ADGRL3: variants seen among roughly 807,000 people sequenced by gnomAD.
ADGRL3 encodes the protein adhesion G protein-coupled receptor L3, also known as calcium-independent alpha-latrotoxin receptor 3.
In ADGRL3, 62 loss-of-function variants were observed where a neutral mutation model predicts 153.5. That is an observed-to-expected ratio of 0.40 (90% CI 0.33 to 0.50). ADGRL3 has a LOEUF of 0.50. Ranked by LOEUF, ADGRL3 falls within the 20% of genes least tolerant of loss-of-function variation. The probability of loss-of-function intolerance (pLI) is 0.47; values close to 1 mark genes in which losing one functional copy is unlikely to be tolerated. For synonymous variants in ADGRL3, 710 were observed against 672.5 expected (o/e 1.06, Z -0.86); for missense variants, 1,641 against 1,859.4 (o/e 0.88, Z 2.16).
chr4:61,787,918 G>GA (rs2097296548), intron 8 of ADGRL3, among the ~76,000 whole-genome samples: 1 of 112,456 alleles, frequency 8.9e-6, no homozygotes, highest in African/African-American at 4.9e-5. Context: ...AAATAACTTA[G>GA]AAAAAATGAT....
In ADGRL3 at chr4:62,075,749, G is replaced by A. The variant is rs1004940717; in HGVS notation, c.*4841G>A. ...ATAGCTTATGGAAGCATTTTTGTGCGAATGGATTTTACATAAGAAGCTTTT... is the reference window on the plus strand; with the variant it reads ...ATAGCTTATGGAAGCATTTTTGTGCAAATGGATTTTACATAAGAAGCTTTT... On this transcript the variant is annotated 3_prime_UTR_variant, in exon 27 of 27. Transcript: ENST00000683033. The A allele has an allele frequency of 1.3e-5, 2 of 151,538 alleles. No homozygotes were observed. The highest frequency in any genetic ancestry group is 2.1e-4 in the South Asian group (1 of 4,732). 9.4% of individuals were successfully genotyped at this position (151,538 alleles called of 1,614,324 possible).
At chr4:61,415,871 C>T (rs2097139086) in intron 2 of ADGRL3, among the ~76,000 whole-genome samples, 1 of 151,998 alleles carries the variant, frequency 6.6e-6, no homozygotes, top group Non-Finnish European at 1.5e-5. Context: ...AGTAGGGAGC[C>T]TAGATGATGG....
At chr4:61,459,740 G>A (rs1350897775) in intron 2 of ADGRL3, among the ~76,000 whole-genome samples, 1 of 151,966 alleles carries the variant, frequency 6.6e-6, no homozygotes, top group African/African-American at 2.4e-5. Flanking sequence ...ATAAAGTCAT[G>A]GTAATTGGAA....
intron 5 of ADGRL3, among the ~76,000 whole-genome samples, chr4:61,653,629 G>A (rs1339365758): frequency 1.3e-5 from 2 of 152,136 alleles, no homozygotes; most frequent in Non-Finnish European, 2.9e-5. Context: ...TTTGTCCTTT[G>A]TATTGGGCTT....
chr4:61,206,685 A>G (rs1268454969), intron 1 of ADGRL3, among the ~76,000 whole-genome samples: 3 of 152,146 alleles, frequency 2.0e-5, no homozygotes, highest in Non-Finnish European at 4.4e-5. Flanking sequence ...TATCATAATC[A>G]AAAGTCATTT....
At chr4:61,230,192 C>T (rs2149167316) in intron 1 of ADGRL3, among the ~76,000 whole-genome samples, 1 of 152,252 alleles carries the variant, frequency 6.6e-6, no homozygotes, top group East Asian at 1.9e-4. Flanking sequence ...GCGATCACGG[C>T]TGTCTGCTAG....
intron 5 of ADGRL3, among the ~76,000 whole-genome samples, chr4:61,640,487 C>T (rs1399879072): frequency 6.6e-6 from 1 of 152,050 alleles, no homozygotes; most frequent in Non-Finnish European, 1.5e-5. Flanking sequence ...CTCCATTTTC[C>T]CACTATATGA....
At chr4:61,275,654 G>T (rs569872495) in intron 1 of ADGRL3, among the ~76,000 whole-genome samples, 2 of 152,090 alleles carry the variant, frequency 1.3e-5, no homozygotes, top group Non-Finnish European at 2.9e-5. Context: ...TTTCAGTTTG[G>T]CATAGATGTT....
intron 25 of ADGRL3, among the ~76,000 whole-genome samples, chr4:62,064,051 A>AT (rs1374907396): frequency 5.4e-4 from 82 of 152,236 alleles, no homozygotes; most frequent in African/African-American, 1.9e-3. Flanking sequence ...TTACTTTGTT[A>AT]TACCATAAAG....
At chr4:62,025,959 C>G (rs1718316960) in intron 21 of ADGRL3, among the ~76,000 whole-genome samples, 1 of 152,024 alleles carries the variant, frequency 6.6e-6, no homozygotes, top group African/African-American at 2.4e-5. Flanking sequence ...GGCAACATTA[C>G]CATCAATTTA....
chr4:61,250,395 C>A (rs1402609786), intron 1 of ADGRL3, among the ~76,000 whole-genome samples: 3 of 152,126 alleles, frequency 2.0e-5, no homozygotes, highest in African/African-American at 7.2e-5. Flanking sequence ...TAACATGATT[C>A]TAGGAATTCC....
intron 3 of ADGRL3, among the ~76,000 whole-genome samples, chr4:61,500,788 T>C (rs2098379349): frequency 6.6e-6 from 1 of 152,198 alleles, no homozygotes; most frequent in Admixed American, 6.6e-5. Flanking sequence ...TGGGTTTATT[T>C]TTCATTATTT....
chr4:61,796,645 A>T (rs1204053971), intron 8 of ADGRL3, among the ~76,000 whole-genome samples: 2 of 152,152 alleles, frequency 1.3e-5, no homozygotes, highest in Non-Finnish European at 2.9e-5. Flanking sequence ...ATGACTTTGA[A>T]AATGGCTTTA....
Position 61,892,962 on chromosome 4 carries a change from A to C in ADGRL3, c.1783+4A>C. The C allele has an allele frequency of 6.6e-7, 1 of 1,506,424 alleles. No homozygotes were observed. Among genetic ancestry groups the C allele is most frequent in the Non-Finnish European group, 8.8e-7 (1 of 1,130,202 alleles). The allele number at this position is 1,506,424 out of a possible 1,614,324, so 93.3% of individuals were successfully genotyped here. A position where few individuals can be genotyped will look rare whatever the true frequency, so the allele number is the denominator to read the frequency against. Reference sequence around the variant, plus strand: ...CCATGCCCTGCAGGAACTATAGGTAAGTCTGTGCTAAAGCACTAAGTTAAA... The same window carrying C: ...CCATGCCCTGCAGGAACTATAGGTACGTCTGTGCTAAAGCACTAAGTTAAA... On this transcript the variant is annotated splice_donor_region_variant and intron_variant, in intron 10 of 26. Coordinates refer to ENST00000683033, the MANE Select transcript of ADGRL3 (RefSeq NM_001387552.1).
chr4:61,292,461 G>A (rs1380603899), intron 1 of ADGRL3, among the ~76,000 whole-genome samples: 2 of 152,162 alleles, frequency 1.3e-5, no homozygotes, highest in Admixed American at 6.6e-5. Flanking sequence ...TGTTCAGCTA[G>A]GTAGCTAGCT....
In ADGRL3 at chr4:61,548,504, T is replaced by C. The variant is rs973595036; in HGVS notation, c.259+30986T>C. On this transcript the variant is annotated intron_variant, in intron 4 of 26. Transcript: ENST00000683033. ...ATGTCAGTCTTCTGAATATGGCTACTTAGTTATCCCAGCACCATTTATTGA... is the reference window on the plus strand; with the variant it reads ...ATGTCAGTCTTCTGAATATGGCTACCTAGTTATCCCAGCACCATTTATTGA... Among the ~76,000 whole-genome samples the C allele has an allele frequency of 3.3e-5, 5 of 152,014 alleles. No individual in the cohort carries two copies. The East Asian group carries it at 9.7e-4, about 29-fold the overall frequency.
intron 5 of ADGRL3, among the ~76,000 whole-genome samples, chr4:61,660,075 C>T (rs911652928): frequency 6.6e-6 from 1 of 152,038 alleles, no homozygotes; most frequent in African/African-American, 2.4e-5. Flanking sequence ...ATGCCAAACA[C>T]GATGCTATAG....
At chr4:61,310,521 C>G (rs2094957675) in intron 1 of ADGRL3, among the ~76,000 whole-genome samples, 1 of 152,052 alleles carries the variant, frequency 6.6e-6, no homozygotes, top group Admixed American at 6.6e-5. Flanking sequence ...TTGGGACACA[C>G]AATTATATCC....
At chr4:61,714,980 C>T (rs1355729890) in intron 6 of ADGRL3, among the ~76,000 whole-genome samples, 2 of 152,066 alleles carry the variant, frequency 1.3e-5, no homozygotes, top group South Asian at 2.1e-4. Context: ...TTGTAGGCAT[C>T]ATCAATCAAT....
Sources: allele counts gnomAD v4.1 joint callset (sites outside exome capture counted in the v4.1 genomes callset), GRCh38; gene constraint gnomAD v4.1.1; transcripts MANE v1.5; gene names NCBI Gene and HGNC (gene_info 2026-07-23, HGNC 2026-07-21).